Variants in PSMA8 observed in about 807,000 individuals in gnomAD.
PSMA8 encodes proteasome 20S subunit alpha 8.
Under a neutral mutation model 32.4 loss-of-function variants are expected in PSMA8, and 18 were observed. The observed-to-expected ratio is 0.56, with a 90% CI of 0.38 to 0.82. The LOEUF (loss-of-function observed/expected upper bound fraction) is 0.82. Ranked by LOEUF, PSMA8 falls within the 40% of genes least tolerant of loss-of-function variation. PSMA8 has a pLI of 0.00. For synonymous variants in PSMA8, 104 were observed against 98.1 expected, an observed-to-expected ratio of 1.06 and a Z score of -0.36; for missense variants, 298 against 300.7, an observed-to-expected ratio of 0.99 and a Z score of 0.07.
At chr18:26,161,987 A>T (rs2055139415) in intron 4 of PSMA8, among the ~76,000 whole-genome samples, 1 of 151,986 alleles carries the variant, frequency 6.6e-6, no homozygotes, top group Non-Finnish European at 1.5e-5. Context: ...TCATTTTTAG[A>T]TTTTTTTCTT....
chr18:26,192,243 T>G, intron 6 of PSMA8, 76 bp from the exon 7 acceptor site: 1 of 1,127,724 alleles, frequency 8.9e-7, no homozygotes, highest in East Asian at 3.3e-5. Context: ...TTATTAAATA[T>G]TGGAATTCTT....
At chr18:26,145,413 C>T (rs574302615) in intron 2 of PSMA8, among the ~76,000 whole-genome samples, 70 of 152,194 alleles carry the variant, frequency 4.6e-4, no homozygotes, top group African/African-American at 1.5e-3. Flanking sequence ...CCACCGCGCC[C>T]GGCCTCTGTG....
At chr18:26,186,805 T>A (rs186258987) in intron 6 of PSMA8, among the ~76,000 whole-genome samples, 66 of 152,214 alleles carry the variant, frequency 4.3e-4, no homozygotes, top group Admixed American at 2.0e-3. Context: ...CAATTCTAGA[T>A]GAAATATAAC....
At chr18:26,181,909 G>T (rs1244736599) in intron 6 of PSMA8, among the ~76,000 whole-genome samples, 1 of 149,924 alleles carries the variant, frequency 6.7e-6, no homozygotes, top group Admixed American at 6.6e-5. Flanking sequence ...GGGCAACAGA[G>T]TGAGACGCCA....
chr18:26,176,639 T>C lies in PSMA8; in HGVS notation c.478-2191T>C, dbSNP rs189809798. Among the ~76,000 whole-genome samples, 195 of 152,272 alleles carry C rather than the reference T, an allele frequency of 1.3e-3. 1 individual carries two copies. Among genetic ancestry groups the C allele is most frequent in the African/African-American group, 4.2e-3 (173 of 41,560 alleles). ...TGAGATCTCTTTCCCATAATCATAA[T>C]ACTAAACAGTTGGCCAGGCACAGTG... On this transcript the variant is annotated intron_variant, in intron 4 of 6. Transcript: ENST00000415576.
chr18:26,173,191 A>G (rs1425004853), intron 4 of PSMA8, among the ~76,000 whole-genome samples: 2 of 151,956 alleles, frequency 1.3e-5, no homozygotes, highest in Non-Finnish European at 2.9e-5. Context: ...CAACTCTCCA[A>G]CCCGAAGCTT....
intron 3 of PSMA8, among the ~76,000 whole-genome samples, chr18:26,156,531 A>G (rs1318638375): frequency 6.6e-6 from 1 of 152,016 alleles, no homozygotes; most frequent in Admixed American, 6.6e-5. Context: ...CCTGGAGGAC[A>G]TTGTGTTATG....
rs1295532946 is a variant in PSMA8, at chr18:26,179,147, A to G, written c.660+17A>G. ...CCTTTGAAGGTAAGTCATTAACCAA[A>G]GAGGAAAAAGTATCTGTAGTATAAA... On this transcript the variant is annotated intron_variant, in intron 6 of 6. Transcript: ENST00000415576. 6.3e-7 allele frequency: 1 copy of G among 1,588,378 alleles called. No homozygotes were observed. The highest frequency in any genetic ancestry group is 8.6e-7 in the Non-Finnish European group (1 of 1,161,124).
At chr18:26,150,239 A>G (rs149251886) in intron 2 of PSMA8, among the ~76,000 whole-genome samples, 1 of 152,354 alleles carries the variant, frequency 6.6e-6, no homozygotes, top group African/African-American at 2.4e-5. Context: ...CAACCTGTAC[A>G]TATTTCAGAG....
At chr18:26,180,078 C>G (rs1320730791) in intron 6 of PSMA8, among the ~76,000 whole-genome samples, 1 of 151,926 alleles carries the variant, frequency 6.6e-6, no homozygotes, top group East Asian at 1.9e-4. Context: ...TAGTGAAACC[C>G]CGTCTCTACT....
At chr18:26,144,801 C>T in intron 2 of PSMA8, 116 bp downstream of exon 2, 1 of 919,218 alleles carries the variant, frequency 1.1e-6, no homozygotes. Flanking sequence ...GTTCTACAAA[C>T]AATATATCCT....
At position 26,192,312 on chromosome 18, in the gene PSMA8, T is replaced by A; in HGVS notation, c.661-7T>A. 1 of 1,483,796 alleles carries A rather than the reference T, an allele frequency of 6.7e-7. No individual in the cohort carries two copies. Among genetic ancestry groups the A allele is most frequent in the Non-Finnish European group, 8.9e-7 (1 of 1,124,794 alleles). The allele number at this position is 1,483,796 out of a possible 1,614,324, so 91.9% of individuals were successfully genotyped here. On this transcript the variant is annotated splice_region_variant and splice_polypyrimidine_tract_variant and intron_variant, in intron 6 of 6. Transcript: ENST00000415576. ...CATTTGATCTTTAAATTTTTTTCTCTTTTCAGATGTTTAGTGCAAAAGAAG... is the reference window on the plus strand; with the variant it reads ...CATTTGATCTTTAAATTTTTTTCTCATTTCAGATGTTTAGTGCAAAAGAAG...
intron 2 of PSMA8, among the ~76,000 whole-genome samples, chr18:26,149,172 C>T (rs367682932): frequency 4.0e-5 from 6 of 151,894 alleles, no homozygotes; most frequent in African/African-American, 1.2e-4. Flanking sequence ...GACAATGAAC[C>T]GTCAGGAAAG....
At chr18:26,183,628 A>C (rs2055330340) in intron 6 of PSMA8, among the ~76,000 whole-genome samples, 1 of 150,788 alleles carries the variant, frequency 6.6e-6, no homozygotes, top group South Asian at 2.1e-4. Context: ...AGATGAGAAA[A>C]GAATGTGGTT....
rs528757859 is a variant in PSMA8, at chr18:26,155,830, C to T, written c.355-2292C>T. Reference sequence around the variant, plus strand: ...ATTATATCAAACTAAAAAGCTTCTGCACAGCCAAAGAAACAGTCAACAGAG... The same window carrying T: ...ATTATATCAAACTAAAAAGCTTCTGTACAGCCAAAGAAACAGTCAACAGAG... On this transcript the variant is annotated intron_variant, in intron 3 of 6. Transcript: ENST00000415576. Among the ~76,000 whole-genome samples the T allele has an allele frequency of 3.3e-5, 5 of 152,294 alleles. No individual in the cohort carries two copies. In the South Asian group the frequency reaches 8.3e-4, roughly 25 times the overall value.
At chr18:26,165,813 C>T (rs760688732) in intron 4 of PSMA8, among the ~76,000 whole-genome samples, 7 of 152,120 alleles carry the variant, frequency 4.6e-5, no homozygotes, top group Non-Finnish European at 7.4e-5. Flanking sequence ...TGAAAAACTA[C>T]GGCCAGGCGT....
intron 4 of PSMA8, among the ~76,000 whole-genome samples, chr18:26,160,072 C>A (rs1023955208): frequency 2.0e-5 from 3 of 152,116 alleles, no homozygotes; most frequent in African/African-American, 7.2e-5. Flanking sequence ...GCAGCCAAGG[C>A]AAAAGGATTA....
intron 4 of PSMA8, among the ~76,000 whole-genome samples, chr18:26,178,106 T>A (rs1260013527): frequency 3.9e-5 from 6 of 152,054 alleles, no homozygotes; most frequent in Non-Finnish European, 8.8e-5. Context: ...TAGTCCCAGC[T>A]ACTTGGGAGT....
chr18:26,174,452 T>G (rs1420834995), intron 4 of PSMA8, among the ~76,000 whole-genome samples: 4 of 152,254 alleles, frequency 2.6e-5, no homozygotes, highest in African/African-American at 9.6e-5. Flanking sequence ...ACTGTGTATT[T>G]CTTGAAAAGC....
Sources: gnomAD v4.1 joint callset for allele counts (sites outside exome capture counted in the v4.1 genomes callset) on GRCh38, gnomAD v4.1.1 for gene constraint, MANE v1.5 for transcripts, NCBI Gene and HGNC (gene_info 2026-07-23, HGNC 2026-07-21) for gene names.